Variants in NKAIN3 observed in about 807,000 individuals in gnomAD.
The protein encoded by NKAIN3 is sodium/potassium transporting ATPase interacting 3, also known as sodium/potassium-transporting ATPase subunit beta-1-interacting protein 3.
A neutral mutation model predicts 30.2 loss-of-function variants in NKAIN3; 25 were observed. That is an observed-to-expected ratio of 0.83 (90% CI 0.60 to 1.16). The LOEUF (loss-of-function observed/expected upper bound fraction) is 1.16, where lower values mean the gene tolerates loss of function less well. NKAIN3 is among the 50% of genes most tolerant of loss of function. The pLI is 0.00. For synonymous variants in NKAIN3, 91 were observed against 89.6 expected (o/e 1.02, Z -0.09); for missense variants, 225 against 254.1 (o/e 0.89, Z 0.78).
chr8:62,611,853 A>G (rs1160616652), intron 3 of NKAIN3, among the ~76,000 whole-genome samples: 3 of 152,192 alleles, frequency 2.0e-5, no homozygotes, highest in East Asian at 1.9e-4. Flanking sequence ...TAGTTTTTTG[A>G]GGAACCTTTA....
At chr8:62,320,874 T>G (rs181118595) in intron 1 of NKAIN3, among the ~76,000 whole-genome samples, 3 of 152,322 alleles carry the variant, frequency 2.0e-5, no homozygotes, top group Admixed American at 2.0e-4. Context: ...GTTTGAATGT[T>G]GGCCTGCCTT....
chr8:62,917,018 C>T (rs907701827), intron 4 of NKAIN3, among the ~76,000 whole-genome samples: 7 of 152,006 alleles, frequency 4.6e-5, no homozygotes, highest in Admixed American at 3.9e-4. Flanking sequence ...CCCTACTTGG[C>T]TTCTATAGCC....
At chr8:62,425,870 T>C (rs1033832330) in intron 1 of NKAIN3, among the ~76,000 whole-genome samples, 1 of 151,982 alleles carries the variant, frequency 6.6e-6, no homozygotes, top group African/African-American at 2.4e-5. Context: ...ATGTCTGTCT[T>C]ACTTGTATGA....
chr8:62,442,285 C>A (rs927301825), intron 1 of NKAIN3, among the ~76,000 whole-genome samples: 3 of 151,840 alleles, frequency 2.0e-5, no homozygotes, highest in Admixed American at 1.3e-4. Context: ...TTTTAATAGT[C>A]ATTGTCTATT....
chr8:62,801,731 C>T (rs148180254), intron 4 of NKAIN3, among the ~76,000 whole-genome samples: 3,075 of 152,290 alleles, frequency 0.02, 113 homozygotes, highest in African/African-American at 0.07. Context: ...TCCAAAGGAA[C>T]GCAGTTCCTC....
At chr8:62,992,794 C>A (rs1293761886) in intron 5 of NKAIN3, among the ~76,000 whole-genome samples, 1 of 152,116 alleles carries the variant, frequency 6.6e-6, no homozygotes, top group Non-Finnish European at 1.5e-5. Context: ...TTACCTGATC[C>A]CTTCTGCTAG....
At chr8:62,617,099 G>T (rs1191401772) in intron 3 of NKAIN3, among the ~76,000 whole-genome samples, 2 of 152,086 alleles carry the variant, frequency 1.3e-5, no homozygotes, top group African/African-American at 4.8e-5. Context: ...TTTCTGTCAT[G>T]AGTAAAAGCT....
intron 5 of NKAIN3, among the ~76,000 whole-genome samples, chr8:62,948,626 T>C (rs1823192238): frequency 6.6e-6 from 1 of 152,260 alleles, no homozygotes; most frequent in South Asian, 2.1e-4. Context: ...TTTACAACTT[T>C]AAAGTATCTT....
chr8:62,940,827 A>C (rs1822932579), intron 5 of NKAIN3, among the ~76,000 whole-genome samples: 1 of 152,140 alleles, frequency 6.6e-6, no homozygotes, highest in South Asian at 2.1e-4. Flanking sequence ...CAAAGAGCAC[A>C]AATAGACAAT....
intron 1 of NKAIN3, among the ~76,000 whole-genome samples, chr8:62,490,503 AT>A (rs1265697785): frequency 2.0e-5 from 3 of 152,186 alleles, no homozygotes; most frequent in Admixed American, 1.3e-4. Context: ...CTAATAAGAG[AT>A]GAAGCAATCA....
At chr8:62,773,980 T>G (rs1817101958) in intron 4 of NKAIN3, among the ~76,000 whole-genome samples, 1 of 152,236 alleles carries the variant, frequency 6.6e-6, no homozygotes, top group African/African-American at 2.4e-5. Context: ...TTGTATTGAA[T>G]CTGTAGACTG....
chr8:62,372,635 A>C (rs1158765573), intron 1 of NKAIN3, among the ~76,000 whole-genome samples: 1 of 151,996 alleles, frequency 6.6e-6, no homozygotes, highest in African/African-American at 2.4e-5. Context: ...TTTAAAATTT[A>C]TATACTTGTC....
chr8:62,705,603 G>A lies in NKAIN3; in HGVS notation c.274-41329G>A, dbSNP rs552133977. Among the ~76,000 whole-genome samples the A allele has an allele frequency of 3.3e-5, 5 of 152,154 alleles. No individual in the cohort carries two copies. The East Asian group carries it at 9.6e-4, about 29-fold the overall frequency. ...GGAATTTATGTCACTTAAATATTGG[G>A]TATTCTGGACTGTTCTTCTATTTCT... is the stretch of plus-strand genomic sequence containing the variant. On this transcript the variant is annotated intron_variant, in intron 3 of 6. Coordinates refer to ENST00000623646, the MANE Select transcript of NKAIN3 (RefSeq NM_001304533.3).
At chr8:62,914,635 T>G (rs993168547) in intron 4 of NKAIN3, among the ~76,000 whole-genome samples, 1 of 152,200 alleles carries the variant, frequency 6.6e-6, no homozygotes, top group African/African-American at 2.4e-5. Context: ...TGGCATTTGC[T>G]GACAAGAATG....
At chr8:62,593,875 C>T (rs1388647929) in intron 3 of NKAIN3, among the ~76,000 whole-genome samples, 1 of 151,988 alleles carries the variant, frequency 6.6e-6, no homozygotes, top group Admixed American at 6.6e-5. Flanking sequence ...TCACTTCCCC[C>T]AAATCTGGGC....
At chr8:62,382,803 C>A (rs917905109) in intron 1 of NKAIN3, among the ~76,000 whole-genome samples, 2 of 152,128 alleles carry the variant, frequency 1.3e-5, no homozygotes, top group African/African-American at 2.4e-5. Context: ...TTTTGAAACC[C>A]TTCACGCTCC....
rs1820337310 is a variant in NKAIN3 at position 62,863,937 on chromosome 8, T to C, written c.472-54516T>C. The C allele has an allele frequency of 9.7e-6, 10 of 1,034,228 alleles. No homozygotes were observed. The Admixed American group carries it at 1.5e-4, about 16-fold the overall frequency. 64.1% of individuals were successfully genotyped at this position (1,034,228 alleles called of 1,614,324 possible). ...CCTTTGGCTCTGGTGGTGTGGGGTC[T>C]GCCAAAGGTGGCGGTGGTGGTGGTG... is the stretch of plus-strand genomic sequence containing the variant. On this transcript the variant is annotated intron_variant, in intron 4 of 6. Coordinates refer to ENST00000623646, the MANE Select transcript of NKAIN3 (RefSeq NM_001304533.3).
At chr8:62,911,959 T>G (rs1207351799) in intron 4 of NKAIN3, among the ~76,000 whole-genome samples, 1 of 152,136 alleles carries the variant, frequency 6.6e-6, no homozygotes, top group South Asian at 2.1e-4. Flanking sequence ...TAGGCCCACA[T>G]GCCAGAAGGT....
chr8:62,478,363 A>G (rs1237817124), intron 1 of NKAIN3, among the ~76,000 whole-genome samples: 2 of 152,218 alleles, frequency 1.3e-5, no homozygotes, highest in East Asian at 1.9e-4. Flanking sequence ...ACAGACTCCA[A>G]TGGCCACTGC....
Sources: allele counts gnomAD v4.1 joint callset (sites outside exome capture counted in the v4.1 genomes callset), GRCh38; gene constraint gnomAD v4.1.1; transcripts MANE v1.5; gene names NCBI Gene and HGNC (gene_info 2026-07-23, HGNC 2026-07-21).